Variants in IRAG1 observed in about 807,000 individuals in gnomAD.
The protein encoded by IRAG1 is IP3R-associated cGMP kinase substrate.
IRAG1 carries 62 observed loss-of-function variants against 106.2 expected under a neutral mutation model. The ratio of observed to expected loss-of-function variants is 0.58; its 90% CI spans 0.48 to 0.72. The LOEUF (loss-of-function observed/expected upper bound fraction) is 0.72, where lower values mean the gene tolerates loss of function less well. Among genes scored for constraint, IRAG1 ranks in the 30% least tolerant of loss-of-function variants. The probability of loss-of-function intolerance (pLI) is 0.00; values close to 1 mark genes in which losing one functional copy is unlikely to be tolerated. For synonymous variants in IRAG1, 462 were observed against 443.9 expected, an observed-to-expected ratio of 1.04 and a Z score of -0.51; for missense variants, 1,064 against 1,140.7, an observed-to-expected ratio of 0.93 and a Z score of 0.97.
Position 10,604,510 on chromosome 11 carries a change from A to C in IRAG1, c.1638T>G (p.Asn546Lys). Residue 546 changes from asparagine (N) to lysine (K), a missense_variant, in exon 13 of 21, where the codon AAT (asparagine) becomes AAG (lysine). Transcript: ENST00000423302. ...VFVQLSLAFRNDSYTLESRIN... is the reference protein window; with the variant it reads ...VFVQLSLAFRKDSYTLESRIN... ...TTCTAGATTCCAGAGTGTAGCTGTC[A>C]TTTCTAAAGGCCAAGGACAGTTGCA... is the stretch of plus-strand genomic sequence containing the variant. 1.2e-6 allele frequency: 2 copies of C among 1,613,992 alleles called. No homozygotes were observed. Among genetic ancestry groups the C allele is most frequent in the Non-Finnish European group, 1.7e-6 (2 of 1,179,886 alleles).
intron 20 of IRAG1, among the ~76,000 whole-genome samples, chr11:10,578,556 T>C (rs906381136): frequency 2.6e-5 from 4 of 152,358 alleles, no homozygotes; most frequent in Admixed American, 1.3e-4. Context: ...GTTTTAAAAA[T>C]GCAATAAGTA....
At chr11:10,581,614 G>A (rs1198255589) in intron 19 of IRAG1, among the ~76,000 whole-genome samples, 3 of 151,914 alleles carry the variant, frequency 2.0e-5, no homozygotes, top group Admixed American at 6.6e-5. Flanking sequence ...TATTCTGAGC[G>A]GTGGCATTCT....
chr11:10,690,947 C>T (rs1281727120), intron 1 of IRAG1, among the ~76,000 whole-genome samples: 1 of 152,172 alleles, frequency 6.6e-6, no homozygotes, highest in African/African-American at 2.4e-5. Context: ...AGTCTGGGGG[C>T]CCCAAGCTCT....
intron 10 of IRAG1, chr11:10,611,464 A>G (rs1321216702): frequency 6.6e-6 from 1 of 152,336 alleles, no homozygotes; most frequent in East Asian, 1.9e-4. Context: ...AGTGAAATGC[A>G]TATCAGGGTT....
intron 1 of IRAG1, among the ~76,000 whole-genome samples, chr11:10,662,384 TCTC>T (rs1232063198): frequency 6.6e-6 from 1 of 152,228 alleles, no homozygotes; most frequent in Non-Finnish European, 1.5e-5. Flanking sequence ...TTTCATGTCT[TCTC>T]TGCCACACAG....
At chr11:10,633,186 T>C (rs1856851828) in intron 3 of IRAG1, among the ~76,000 whole-genome samples, 1 of 151,180 alleles carries the variant, frequency 6.6e-6, no homozygotes, top group African/African-American at 2.4e-5. Context: ...GCCATTCTCC[T>C]GCCTCAGCCT....
At position 10,690,856 on chromosome 11, in the gene IRAG1, C is replaced by G. The variant is rs11042921; in HGVS notation, c.67+2680G>C. On this transcript the variant is annotated intron_variant, in intron 1 of 20. Coordinates refer to ENST00000423302, the MANE Select transcript of IRAG1 (RefSeq NM_130385.4). ...ATTAATACCAATTTTCTCCCGTTTC[C>G]TTTTACATTCACTACCTGAGAACTC... Among the ~76,000 whole-genome samples the G allele has an allele frequency of 3.5e-4, 54 of 152,306 alleles. No individual in the cohort carries two copies. In the East Asian group the frequency reaches 0.01, roughly 29 times the overall value.
In IRAG1 at chr11:10,573,289, A is replaced by G. The variant is rs1850677829; in HGVS notation, c.*3043T>C. 1 of 152,252 alleles carries G rather than the reference A, an allele frequency of 6.6e-6. No homozygotes were observed. The highest frequency in any genetic ancestry group is 6.5e-5 in the Admixed American group (1 of 15,286). The allele number at this position is 152,252 out of a possible 1,614,324, so 9.4% of individuals were successfully genotyped here. Reference sequence around the variant, plus strand: ...TGGCTTTGTGGCAGCCAGAAAGTGAAGGTCTTTTTAGGAGGTGACATCAAC... The same window carrying G: ...TGGCTTTGTGGCAGCCAGAAAGTGAGGGTCTTTTTAGGAGGTGACATCAAC... On this transcript the variant is annotated 3_prime_UTR_variant, in exon 21 of 21. Coordinates refer to ENST00000423302, the MANE Select transcript of IRAG1 (RefSeq NM_130385.4).
At position 10,629,556 on chromosome 11, in the gene IRAG1, G is replaced by A; in HGVS notation, c.556C>T (p.Pro186Ser). Residue 186 changes from proline to serine, a missense_variant, in exon 5 of 21, where the codon CCC becomes TCC. Coordinates refer to ENST00000423302, the MANE Select transcript of IRAG1 (RefSeq NM_130385.4). ...ACCCTACCTGATGGGGAGTCTCCGG[G>A]GCTGCTCCTGGACTTCCTCCCACGG... ...TRRGRKSRSS[P>S]GDSPSAVSPN... 6.2e-7 allele frequency: 1 copy of A among 1,613,780 alleles called. No individual in the cohort carries two copies. The highest frequency in any genetic ancestry group is 1.1e-5 in the South Asian group (1 of 91,064).
chr11:10,582,810 G>T (rs1050381016), intron 18 of IRAG1, among the ~76,000 whole-genome samples: 1 of 152,176 alleles, frequency 6.6e-6, no homozygotes, highest in Non-Finnish European at 1.5e-5. Context: ...ACAAAAATTA[G>T]CCAGGTGTGG....
intron 19 of IRAG1, 70 bp downstream of exon 19, chr11:10,581,797 A>G (rs755607888): frequency 1.7e-5 from 27 of 1,567,042 alleles, no homozygotes; most frequent in Non-Finnish European, 2.2e-5. Context: ...CTAAGAAACA[A>G]GAAAGACCCA....
chr11:10,627,803 G>A, intron 7 of IRAG1, 43 bp from the exon 8 acceptor site: 1 of 1,612,914 alleles, frequency 6.2e-7, no homozygotes, highest in Non-Finnish European at 8.5e-7. Context: ...AATGGGAAGA[G>A]ACCGTGTTTC....
At chr11:10,611,416 T>A (rs1854950298) in intron 10 of IRAG1, among the ~76,000 whole-genome samples, 1 of 152,138 alleles carries the variant, frequency 6.6e-6, no homozygotes, top group Admixed American at 6.5e-5. Flanking sequence ...TCCTGAGATA[T>A]CTATAGGATG....
At chr11:10,593,021 A>G (rs765534235) in intron 17 of IRAG1, among the ~76,000 whole-genome samples, 5 of 152,350 alleles carry the variant, frequency 3.3e-5, no homozygotes, top group Non-Finnish European at 7.3e-5. Flanking sequence ...CTTATTAGTG[A>G]ACATGGAGTT....
At chr11:10,594,269 G>A in intron 15 of IRAG1, 74 bp from the exon 16 acceptor site, 2 of 1,419,544 alleles carry the variant, frequency 1.4e-6, no homozygotes, top group Non-Finnish European at 2.0e-6. Flanking sequence ...CAGAAACTAG[G>A]CTATCGTATC....
At position 10,652,149 on chromosome 11, in the gene IRAG1, C is replaced by T. The variant is rs760202681; in HGVS notation, c.101G>A (p.Gly34Glu). The T allele has an allele frequency of 6.2e-7, 1 of 1,613,658 alleles. No individual in the cohort carries two copies. Among genetic ancestry groups the T allele is most frequent in the South Asian group, 1.1e-5 (1 of 90,948 alleles). ...CGAQASWSIF[G>E]ADAAEVPGTR... Reference sequence around the variant, plus strand: ...GCCCGGAACCTCCGCTGCGTCAGCCCCAAAGATGCTCCAAGAGGCCTGGGC... The same window carrying T: ...GCCCGGAACCTCCGCTGCGTCAGCCTCAAAGATGCTCCAAGAGGCCTGGGC... The change falls in exon 2 of 21, where the codon GGG (glycine) becomes GAG (glutamate). Residue 34 changes from glycine to glutamate, a missense_variant. Physicochemically the swap from Gly to Glu is moderately conservative, Grantham distance 98. Coordinates refer to ENST00000423302, the MANE Select transcript of IRAG1 (RefSeq NM_130385.4).
chr11:10,605,841 A>AT (rs1169521984), intron 12 of IRAG1, among the ~76,000 whole-genome samples: 2 of 152,228 alleles, frequency 1.3e-5, no homozygotes, highest in Non-Finnish European at 2.9e-5. Flanking sequence ...TTAATTTTCT[A>AT]TACCTTGATT....
Position 10,617,403 on chromosome 11 carries a change from A to G in IRAG1, c.1447+6375T>C, listed in dbSNP as rs539095706. Among the ~76,000 whole-genome samples the G allele has an allele frequency of 3.9e-5, 6 of 152,350 alleles. No individual in the cohort carries two copies. In the South Asian group the frequency reaches 1.2e-3, roughly 32 times the overall value. ...ATACTTTTTTGAAATTAAAAGTATT[A>G]GAGTTTAATTGAACTTGAAGTGAAG... On this transcript the variant is annotated intron_variant, in intron 10 of 20. Transcript: ENST00000423302.
intron 2 of IRAG1, among the ~76,000 whole-genome samples, chr11:10,643,139 ACTC>A (rs1194752326): frequency 4.9e-5 from 6 of 122,158 alleles, no homozygotes; most frequent in East Asian, 2.4e-4. Flanking sequence ...GTGCCACTGC[ACTC>A]CTCCAGCCTG....
Sources: gnomAD v4.1 joint callset for allele counts (sites outside exome capture counted in the v4.1 genomes callset) on GRCh38, gnomAD v4.1.1 for gene constraint, MANE v1.5 for transcripts, NCBI Gene and HGNC (gene_info 2026-07-23, HGNC 2026-07-21) for gene names.